BAZ2B: variants seen among roughly 807,000 people sequenced by gnomAD.
BAZ2B encodes the protein bromodomain adjacent to zinc finger domain protein 2B.
Under a neutral mutation model 246.0 loss-of-function variants are expected in BAZ2B, and 91 were observed. That is an observed-to-expected ratio of 0.37 (90% CI 0.31 to 0.44). The LOEUF (loss-of-function observed/expected upper bound fraction) is 0.44. BAZ2B is among the 20% of genes least tolerant of loss of function. The probability of loss-of-function intolerance (pLI) is 1.00; values close to 1 mark genes in which losing one functional copy is unlikely to be tolerated. For synonymous variants in BAZ2B, 855 were observed against 860.0 expected (o/e 0.99, Z 0.10); for missense variants, 2,332 against 2,533.7 (o/e 0.92, Z 1.71).
the BAZ2B span, among the ~76,000 whole-genome samples, chr2:159,653,695 T>A: frequency 1.3e-5 from 2 of 152,214 alleles, no homozygotes; most frequent in African/African-American, 4.8e-5. Context: ...TAGCTAATTA[T>A]TGACATGGTT....
At chr2:159,372,668 C>T (rs555319392) in intron 27 of BAZ2B, among the ~76,000 whole-genome samples, 1 of 152,258 alleles carries the variant, frequency 6.6e-6, no homozygotes, top group African/African-American at 2.4e-5. Flanking sequence ...AGCAAGTTAC[C>T]TGCAGGGGGT....
chr2:159,434,658 A>T (rs1432548134), intron 8 of BAZ2B: 2 of 152,040 alleles, frequency 1.3e-5, no homozygotes, highest in Non-Finnish European at 1.5e-5. Flanking sequence ...CTTGATATGT[A>T]CTCAAAAAAC....
chr2:159,405,275 G>A (rs902828527), intron 14 of BAZ2B, among the ~76,000 whole-genome samples, 161 bp from the exon 15 acceptor site: 20 of 151,934 alleles, frequency 1.3e-4, no homozygotes, highest in Admixed American at 6.6e-4. Context: ...GCAGTGGTGC[G>A]ATCGCGGCTC....
intron 25 of BAZ2B, among the ~76,000 whole-genome samples, chr2:159,377,812 C>CAAA (rs35570732): frequency 2.4e-4 from 23 of 94,154 alleles, no homozygotes; most frequent in Non-Finnish European, 4.3e-4. Context: ...ACTCTGTCTC[C>CAAA]AAAAAAAAAA....
Position 159,428,043 on chromosome 2 carries a change from C to T in BAZ2B, c.2365-1G>A, listed in dbSNP as rs1459597362. 9 of 1,611,442 alleles carry T rather than the reference C, an allele frequency of 5.6e-6. No homozygotes were observed. The highest frequency in any genetic ancestry group is 5.9e-6 in the Non-Finnish European group (7 of 1,178,166). On this transcript the variant is annotated splice_acceptor_variant, in intron 12 of 36. Coordinates refer to ENST00000392783, the MANE Select transcript of BAZ2B (RefSeq NM_013450.4). LOFTEE classifies it high-confidence loss of function. ...CCATTATTCCATTTCTGCTGAGATA[C>T]TGAAAAAATCACATATTTTTCCACT...
At chr2:159,634,179 T>G in the BAZ2B span, among the ~76,000 whole-genome samples, 7 of 152,218 alleles carry the variant, frequency 4.6e-5, no homozygotes, top group Non-Finnish European at 1.0e-4. Flanking sequence ...AATAGCACAG[T>G]GTGAGAATAT....
At position 159,391,342 on chromosome 2, in the gene BAZ2B, T is replaced by A. The variant is rs144284233; in HGVS notation, c.3076-1857A>T. ...CTATATACCATCTAAGGTTTGGGCA[T>A]GTCACTCTATGATGTCTGCACAATG... is the stretch of plus-strand genomic sequence containing the variant. On this transcript the variant is annotated intron_variant, in intron 20 of 36. Transcript: ENST00000392783. 2.0e-5 allele frequency among the ~76,000 whole-genome samples: 3 copies of A among 152,296 alleles called. No individual in the cohort carries two copies. The East Asian group carries it at 5.8e-4, about 29-fold the overall frequency.
intron 1 of BAZ2B, among the ~76,000 whole-genome samples, chr2:159,601,038 G>A (rs969873174): frequency 1.3e-5 from 2 of 151,956 alleles, no homozygotes; most frequent in African/African-American, 4.8e-5. Flanking sequence ...CCCTAAAGCA[G>A]GGAAACTGCT....
At chr2:159,331,364 T>C (rs2064737702) in intron 34 of BAZ2B, among the ~76,000 whole-genome samples, 1 of 152,088 alleles carries the variant, frequency 6.6e-6, no homozygotes, top group South Asian at 2.1e-4. Flanking sequence ...TCTAACACCT[T>C]ATTTATTTAT....
At position 159,586,970 on chromosome 2, in the gene BAZ2B, T is replaced by C. The variant is rs188899405; in HGVS notation, c.-46+29272A>G. 2.7e-3 allele frequency among the ~76,000 whole-genome samples: 417 copies of C among 152,276 alleles called. 1 individual carries two copies. The highest frequency in any genetic ancestry group is 5.8e-3 in the Admixed American group (89 of 15,298). ...ACATCTTCCAGAATGCCAATAGACA[T>C]ACCTTCCTAAAACCTAAACCTCACT... On this transcript the variant is annotated intron_variant, in intron 1 of 36. Coordinates refer to ENST00000392783, the MANE Select transcript of BAZ2B (RefSeq NM_013450.4).
chr2:159,582,927 TTTTG>T (rs1453265537), intron 1 of BAZ2B, among the ~76,000 whole-genome samples: 2 of 152,114 alleles, frequency 1.3e-5, no homozygotes, highest in African/African-American at 4.8e-5. Context: ...AATTTGCCTA[TTTTG>T]TTTATGAATT....
intron 14 of BAZ2B, chr2:159,411,881 C>T (rs1576703720): frequency 4.4e-6 from 4 of 918,760 alleles, no homozygotes; most frequent in Admixed American, 6.2e-5. Flanking sequence ...CAGGAGAACC[C>T]AAACTAAAAG....
the BAZ2B span, among the ~76,000 whole-genome samples, chr2:159,690,875 T>TAAA: frequency 8.5e-6 from 1 of 116,984 alleles, no homozygotes; most frequent in Non-Finnish European, 2.0e-5. Flanking sequence ...TTCTACTGAT[T>TAAA]CCTCTTGTTT....
intron 1 of BAZ2B, among the ~76,000 whole-genome samples, chr2:159,565,506 T>C (rs1401387628): frequency 2.6e-5 from 4 of 151,996 alleles, no homozygotes; most frequent in Non-Finnish European, 5.9e-5. Flanking sequence ...AGGCCAGGCG[T>C]GGTGGCTCAC....
At chr2:159,344,344 C>A (rs892940850) in intron 31 of BAZ2B, among the ~76,000 whole-genome samples, 4 of 151,738 alleles carry the variant, frequency 2.6e-5, no homozygotes, top group Non-Finnish European at 5.9e-5. Context: ...TCAAGACCAG[C>A]CTCAACATGG....
At chr2:159,359,993 A>G (rs984752698) in intron 27 of BAZ2B, among the ~76,000 whole-genome samples, 2 of 152,234 alleles carry the variant, frequency 1.3e-5, no homozygotes, top group African/African-American at 4.8e-5. Flanking sequence ...ACCCACGGCC[A>G]ATATCATACA....
the BAZ2B span, among the ~76,000 whole-genome samples, chr2:159,684,386 GACAA>G: frequency 1.3e-5 from 2 of 152,130 alleles, no homozygotes; most frequent in Admixed American, 1.3e-4. Flanking sequence ...CTAAGAAACT[GACAA>G]ACTAAATAAA....
At chr2:159,709,932 G>A in the BAZ2B span, among the ~76,000 whole-genome samples, 7 of 152,286 alleles carry the variant, frequency 4.6e-5, no homozygotes, top group African/African-American at 1.4e-4. Flanking sequence ...GTTTAAAAAT[G>A]AAAACTAAGG....
chr2:159,433,319 C>G lies in BAZ2B; in HGVS notation c.1338G>C (p.Glu446Asp). ...TAACCTTCTTCAGGCTCTTCGATGACTCTTGTTTCTTTAACTGTGATGGGA... is the reference window on the plus strand; with the variant it reads ...TAACCTTCTTCAGGCTCTTCGATGAGTCTTGTTTCTTTAACTGTGATGGGA... The part of the protein sequence containing the change: ...QAFPSQLKKQ[E>D]SSKSLKKVIA... Residue 446 changes from glutamate (E) to aspartate (D), a missense_variant, in exon 9 of 37, where the codon GAG becomes GAC. Physicochemically the swap from Glu to Asp is conservative, Grantham distance 45 (BLOSUM62 2). This residue lies in a region of BAZ2B where 651 missense variants were observed against 650.9 expected (regional missense o/e 1.00). Coordinates refer to ENST00000392783, the MANE Select transcript of BAZ2B (RefSeq NM_013450.4). 6.2e-7 allele frequency: 1 copy of G among 1,613,922 alleles called. No homozygotes were observed. Among genetic ancestry groups the G allele is most frequent in the Non-Finnish European group, 8.5e-7 (1 of 1,180,006 alleles).
Sources: gnomAD v4.1 joint callset for allele counts (sites outside exome capture counted in the v4.1 genomes callset) on GRCh38, gnomAD v4.1.1 for gene constraint, gnomAD v4.1.1 regional missense constraint, MANE v1.5 for transcripts, NCBI Gene and HGNC (gene_info 2026-07-23, HGNC 2026-07-21) for gene names.